The following ACTR3C variants were observed in gnomAD, a reference collection of about 807,000 sequenced individuals.
ACTR3C encodes actin related protein 3C.
ACTR3C carries 18 observed loss-of-function variants against 26.3 expected under a neutral mutation model. The ratio of observed to expected loss-of-function variants is 0.68; its 90% CI spans 0.47 to 1.01. The LOEUF is 1.01. Among genes scored for constraint, ACTR3C ranks in the 50% least tolerant of loss-of-function variants. ACTR3C has a pLI of 0.00. For missense variants in ACTR3C, 184 were observed against 250.7 expected (o/e 0.73, Z 1.80); for synonymous variants, 55 against 94.5 (o/e 0.58, Z 2.42).
At chr7:150,229,956 G>A in the ACTR3C span, among the ~76,000 whole-genome samples, 258 of 151,702 alleles carry the variant, frequency 1.7e-3, 1 homozygote, top group African/African-American at 6.1e-3. Flanking sequence ...CGGGCATGGT[G>A]GCTGATGCCT....
At chr7:150,214,181 C>T in the ACTR3C span, among the ~76,000 whole-genome samples, 2 of 152,208 alleles carry the variant, frequency 1.3e-5, no homozygotes, top group South Asian at 2.1e-4. Flanking sequence ...TTCAAAATCA[C>T]TCAACATACA....
At chr7:150,246,131 A>C (rs2129608768), downstream of ACTR3C, 1 of 152,296 alleles carries the variant, frequency 6.6e-6, no homozygotes, top group Non-Finnish European at 1.5e-5. Context: ...AGATTGTGTC[A>C]TTTGGATTCT....
At chr7:150,154,040 A>C in the ACTR3C span, among the ~76,000 whole-genome samples, 2 of 137,630 alleles carry the variant, frequency 1.5e-5, no homozygotes, top group Non-Finnish European at 3.0e-5. Context: ...GCATGGACAC[A>C]GGAAGGGGAA....
intron 1 of ACTR3C, among the ~76,000 whole-genome samples, chr7:150,299,500 A>AAAAAAAAAG: frequency 1.3e-5 from 2 of 148,636 alleles, no homozygotes; most frequent in African/African-American, 5.1e-5. Flanking sequence ...AAAAACAAAA[A>AAAAAAAAAG]ACAGGCTGGG....
At chr7:150,187,837 CT>C in the ACTR3C span, among the ~76,000 whole-genome samples, 5 of 144,456 alleles carry the variant, frequency 3.5e-5, no homozygotes, top group African/African-American at 1.3e-4. Flanking sequence ...GGTTTCTCCA[CT>C]GGAAAGTTAT....
At chr7:150,024,658 C>T in the ACTR3C span, among the ~76,000 whole-genome samples, 1 of 145,246 alleles carries the variant, frequency 6.9e-6, no homozygotes, top group Non-Finnish European at 1.5e-5. Context: ...GCCTAATAAC[C>T]CTTGGTGTGC....
the ACTR3C span, among the ~76,000 whole-genome samples, chr7:150,208,720 A>G: frequency 6.6e-6 from 1 of 152,196 alleles, no homozygotes; most frequent in East Asian, 1.9e-4. Context: ...TCGAATATCC[A>G]GCATGTACAA....
chr7:150,200,471 A>G, the ACTR3C span, among the ~76,000 whole-genome samples: 2 of 152,236 alleles, frequency 1.3e-5, no homozygotes, highest in African/African-American at 4.8e-5. Flanking sequence ...TAAAAATAAA[A>G]CAAGCAAAAG....
the ACTR3C span, among the ~76,000 whole-genome samples, chr7:150,232,929 T>G: frequency 6.6e-6 from 1 of 152,192 alleles, no homozygotes; most frequent in Non-Finnish European, 1.5e-5. Context: ...CCATCATTGC[T>G]GTCATTCACT....
chr7:150,108,137 G>A, the ACTR3C span, among the ~76,000 whole-genome samples: 1 of 150,254 alleles, frequency 6.7e-6, no homozygotes, highest in Non-Finnish European at 1.5e-5. Flanking sequence ...GCAGGTGTGG[G>A]GCACACCAGG....
the ACTR3C span, among the ~76,000 whole-genome samples, chr7:150,150,656 G>A: frequency 1.4e-5 from 2 of 138,758 alleles, 1 homozygote; most frequent in Non-Finnish European, 3.2e-5. Flanking sequence ...GCTTTTCGGT[G>A]TCGTATAAAC....
chr7:150,110,497 AGGAGGTGGG>A, the ACTR3C span, among the ~76,000 whole-genome samples: 7 of 102,658 alleles, frequency 6.8e-5, 1 homozygote, highest in East Asian at 6.3e-4. Flanking sequence ...CTCTGGCTGG[AGGAGGTGGG>A]GCTGCCTGAG....
intron 1 of ACTR3C, among the ~76,000 whole-genome samples, chr7:150,310,372 G>T (rs1796199110): frequency 6.6e-6 from 1 of 152,120 alleles, no homozygotes. Context: ...AAGGGATGAA[G>T]CCTATTATCA....
At chr7:150,069,026 T>C in the ACTR3C span, among the ~76,000 whole-genome samples, 1 of 152,184 alleles carries the variant, frequency 6.6e-6, no homozygotes, top group Non-Finnish European at 1.5e-5. Flanking sequence ...ACCAGCTCTG[T>C]TGCTTGAGTG....
chr7:150,263,583 AAGGGAATTGTCTATGATTGTTC>A (rs1833814355), intron 6 of ACTR3C, among the ~76,000 whole-genome samples: 1 of 152,008 alleles, frequency 6.6e-6, no homozygotes, highest in African/African-American at 2.4e-5. Flanking sequence ...GAGACTATGA[AAGGGAATTGTCTATGATTGTTC>A]AAAAGCCAAT....
At chr7:150,170,555 T>C in the ACTR3C span, among the ~76,000 whole-genome samples, 1 of 150,722 alleles carries the variant, frequency 6.6e-6, no homozygotes, top group South Asian at 2.1e-4. Flanking sequence ...GAACTCAGTC[T>C]CTAGGCCACC....
chr7:150,287,360 ATGCTGC>A (rs147061695), intron 4 of ACTR3C, among the ~76,000 whole-genome samples: 2 of 152,064 alleles, frequency 1.3e-5, no homozygotes, highest in South Asian at 2.1e-4. Flanking sequence ...AGCCGCCAGG[ATGCTGC>A]TGCTGCTGCT....
the ACTR3C span, among the ~76,000 whole-genome samples, chr7:150,103,783 GCTCAACATT>G: frequency 4.6e-5 from 7 of 151,960 alleles, no homozygotes; most frequent in Non-Finnish European, 1.0e-4. Flanking sequence ...TCCAAACAGA[GCTCAACATT>G]CATATAACAT....
At chr7:150,041,646 C>CGT in the ACTR3C span, among the ~76,000 whole-genome samples, 1 of 90,050 alleles carries the variant, frequency 1.1e-5, no homozygotes, top group African/African-American at 3.8e-5. Context: ...CTCCCCCCCC[C>CGT]TGCGATGAGG....
Sources: gnomAD v4.1 joint callset for allele counts (sites outside exome capture counted in the v4.1 genomes callset) on GRCh38, gnomAD v4.1.1 for gene constraint, MANE v1.5 for transcripts, NCBI Gene and HGNC (gene_info 2026-07-23, HGNC 2026-07-21) for gene names.